The following TM7SF3 variants were observed in gnomAD, a reference collection of about 807,000 sequenced individuals.
TM7SF3 encodes the protein seven span transmembrane protein.
A neutral mutation model predicts 65.5 loss-of-function variants in TM7SF3; 60 were observed. That is an observed-to-expected ratio of 0.92 (90% CI 0.74 to 1.14). TM7SF3 has a LOEUF of 1.14. Ranked by LOEUF, TM7SF3 falls within the 50% of genes most tolerant of loss-of-function variation. The probability of loss-of-function intolerance (pLI) is 0.00; values close to 1 mark genes in which losing one functional copy is unlikely to be tolerated. For missense variants in TM7SF3, 623 were observed against 684.8 expected (o/e 0.91, Z 1.01); for synonymous variants, 264 against 259.6 (o/e 1.02, Z -0.16).
In TM7SF3 at chr12:27,009,509, A is replaced by G. The variant is rs1253845910; in HGVS notation, c.91+4569T>C. ...CATATCCCATGATTATCATCCCAGA[A>G]TACGTAATGTTTCTTGAGGCTATTT... is the stretch of plus-strand genomic sequence containing the variant. On this transcript the variant is annotated intron_variant, in intron 1 of 11. Transcript: ENST00000343028. 2.0e-5 allele frequency among the ~76,000 whole-genome samples: 3 copies of G among 152,178 alleles called. No homozygotes were observed. In the East Asian group the frequency reaches 5.8e-4, roughly 29 times the overall value.
chr12:26,987,891 G>T (rs1212102917), intron 6 of TM7SF3, among the ~76,000 whole-genome samples: 4 of 152,042 alleles, frequency 2.6e-5, no homozygotes, highest in African/African-American at 9.7e-5. Context: ...AATAAATAAA[G>T]AGACAAGTGT....
intron 4 of TM7SF3, among the ~76,000 whole-genome samples, chr12:26,995,651 T>C (rs1427594452): frequency 4.6e-5 from 7 of 152,260 alleles, no homozygotes; most frequent in African/African-American, 1.7e-4. Context: ...TATTAGGAGG[T>C]GGGACCTTTG....
intron 6 of TM7SF3, 77 bp from the exon 7 acceptor site, chr12:26,982,936 A>G (rs1939880266): frequency 1.9e-6 from 2 of 1,053,020 alleles, no homozygotes; most frequent in South Asian, 3.4e-5. Context: ...ACGAACCTTC[A>G]TCAAAAAAGC....
chr12:27,001,849 C>A (rs946983452), intron 2 of TM7SF3, among the ~76,000 whole-genome samples: 1 of 152,216 alleles, frequency 6.6e-6, no homozygotes, highest in Admixed American at 6.5e-5. Context: ...AACTGGCATG[C>A]TCCTTCCTTT....
chr12:26,993,338 G>A (rs933612570), intron 5 of TM7SF3, among the ~76,000 whole-genome samples: 7 of 152,156 alleles, frequency 4.6e-5, no homozygotes, highest in African/African-American at 1.7e-4. Context: ...AATGACTGTA[G>A]AAGATGTGAA....
chr12:26,984,711 C>T (rs560063585), intron 6 of TM7SF3, among the ~76,000 whole-genome samples: 3 of 152,090 alleles, frequency 2.0e-5, no homozygotes, highest in Non-Finnish European at 4.4e-5. Context: ...TCCCCTATCA[C>T]AATACCAGGA....
At chr12:26,984,757 A>C (rs1405184493) in intron 6 of TM7SF3, among the ~76,000 whole-genome samples, 2 of 152,178 alleles carry the variant, frequency 1.3e-5, no homozygotes. Flanking sequence ...GTAAAATGAG[A>C]GGGTATGGAA....
chr12:26,988,092 T>A (rs1272812373), intron 6 of TM7SF3, among the ~76,000 whole-genome samples: 1 of 151,456 alleles, frequency 6.6e-6, no homozygotes, highest in African/African-American at 2.4e-5. Context: ...TGTTCCAGAT[T>A]ATACAACTAT....
intron 5 of TM7SF3, among the ~76,000 whole-genome samples, chr12:26,994,638 CA>C (rs1462491303): frequency 6.6e-6 from 1 of 152,194 alleles, no homozygotes; most frequent in Non-Finnish European, 1.5e-5. Flanking sequence ...TGAGCCACTG[CA>C]CCCAGTCAGA....
At chr12:26,994,260 A>T (rs530116718) in intron 5 of TM7SF3, among the ~76,000 whole-genome samples, 1 of 152,316 alleles carries the variant, frequency 6.6e-6, no homozygotes, top group African/African-American at 2.4e-5. Context: ...CAACCATTAG[A>T]CTGAAGGATG....
At chr12:26,990,902 TGA>T (rs1468715094) in intron 5 of TM7SF3, among the ~76,000 whole-genome samples, 1 of 152,160 alleles carries the variant, frequency 6.6e-6, no homozygotes, top group African/African-American at 2.4e-5. Flanking sequence ...GTTACGACCA[TGA>T]AAAAAGTTTT....
chr12:26,979,618 T>C, intron 9 of TM7SF3, 166 bp downstream of exon 9: 3 of 691,708 alleles, frequency 4.3e-6, no homozygotes, highest in Non-Finnish European at 7.2e-6. Flanking sequence ...AAGGAGGGAC[T>C]TTTACTAGTC....
intron 6 of TM7SF3, among the ~76,000 whole-genome samples, chr12:26,985,326 A>T (rs1939998804): frequency 6.6e-6 from 1 of 151,918 alleles, no homozygotes; most frequent in Non-Finnish European, 1.5e-5. Flanking sequence ...GTGAAACCCC[A>T]TCTCAACTAA....
At chr12:27,000,872 C>T (rs145233325) in intron 2 of TM7SF3, among the ~76,000 whole-genome samples, 1 of 152,030 alleles carries the variant, frequency 6.6e-6, no homozygotes, top group Non-Finnish European at 1.5e-5. Flanking sequence ...CCTAATCCTT[C>T]CTCACACACT....
At chr12:27,007,741 C>A (rs1326418921) in intron 1 of TM7SF3, among the ~76,000 whole-genome samples, 1 of 152,316 alleles carries the variant, frequency 6.6e-6, no homozygotes, top group East Asian at 1.9e-4. Context: ...CCCTCCCAAT[C>A]ACATCTTCTT....
chr12:27,012,088 G>A (rs58539054), intron 1 of TM7SF3, among the ~76,000 whole-genome samples: 3,557 of 152,148 alleles, frequency 0.023, 145 homozygotes, highest in African/African-American at 0.081. Context: ...GAAGAATGAG[G>A]ATTCACAGAA....
rs1939538150 is a variant in TM7SF3, at chr12:26,975,746, A to G, written c.1288-88T>C. 13 of 1,383,682 alleles carry G rather than the reference A, an allele frequency of 9.4e-6. No individual in the cohort carries two copies. The South Asian group carries it at 1.8e-4, about 19-fold the overall frequency. 85.7% of individuals were successfully genotyped at this position (1,383,682 alleles called of 1,614,324 possible). On this transcript the variant is annotated intron_variant, in intron 10 of 11. Transcript: ENST00000343028. ...CCACTGGCTTCAATCACAGGCAATC[A>G]CATCTGCTCCCTCAGGCATGAAAAA...
intron 9 of TM7SF3, among the ~76,000 whole-genome samples, chr12:26,977,347 G>A (rs554909505): frequency 2.5e-4 from 38 of 152,326 alleles, no homozygotes; most frequent in East Asian, 1.9e-3. Context: ...TGTGAAGAAC[G>A]GACCCTTTCA....
Position 26,972,275 on chromosome 12 carries a change from C to T in TM7SF3, c.*1690G>A, listed in dbSNP as rs1403086542. The T allele has an allele frequency of 6.6e-6, 1 of 151,830 alleles. No individual in the cohort carries two copies. The highest frequency in any genetic ancestry group is 1.5e-5 in the Non-Finnish European group (1 of 68,042). The allele number at this position is 151,830 out of a possible 1,614,324, so 9.4% of individuals were successfully genotyped here. A position where few individuals can be genotyped will look rare whatever the true frequency, so the allele number is the denominator to read the frequency against. ...ATCCTTTTTGACTCCATTCTCATCACTTTAAGGATGAAGCCTTTCTGTACA... is the reference window on the plus strand; with the variant it reads ...ATCCTTTTTGACTCCATTCTCATCATTTTAAGGATGAAGCCTTTCTGTACA... On this transcript the variant is annotated 3_prime_UTR_variant, in exon 12 of 12. Transcript: ENST00000343028.
Sources: allele counts gnomAD v4.1 joint callset (sites outside exome capture counted in the v4.1 genomes callset), GRCh38; gene constraint gnomAD v4.1.1; transcripts MANE v1.5; gene names NCBI Gene and HGNC (gene_info 2026-07-23, HGNC 2026-07-21).